Variants in JCHAIN observed in about 807,000 individuals in gnomAD.
The protein encoded by JCHAIN is immunoglobulin J chain.
JCHAIN carries 5 observed loss-of-function variants against 11.1 expected under a neutral mutation model. The observed-to-expected ratio is 0.45, with a 90% CI of 0.24 to 0.95. The LOEUF (loss-of-function observed/expected upper bound fraction) is 0.95. JCHAIN is among the 40% of genes least tolerant of loss of function. JCHAIN has a pLI of 0.21. For synonymous variants in JCHAIN, 51 were observed against 67.8 expected, an observed-to-expected ratio of 0.75 and a Z score of 1.22; for missense variants, 165 against 192.7, an observed-to-expected ratio of 0.86 and a Z score of 0.85.
intron 1 of JCHAIN, chr4:70,665,962 T>G (rs1476530907): frequency 4.2e-6 from 1 of 238,864 alleles, no homozygotes; most frequent in Non-Finnish European, 8.8e-6. Flanking sequence ...TGTATAACAT[T>G]AAACATTGTT....
chr4:70,664,352 A>G (rs904025936), intron 1 of JCHAIN, among the ~76,000 whole-genome samples: 1 of 152,178 alleles, frequency 6.6e-6, no homozygotes, highest in Non-Finnish European at 1.5e-5. Context: ...AACATTTAGT[A>G]TACGAATTCA....
In JCHAIN at chr4:70,666,420, C is replaced by CACAT; in HGVS notation, c.64+3_64+6dup. ...TGATCTGGGATCATTTTCTAAATAT[C>CACAT]ACATACCTTTCACATGAACAGCCTT... On this transcript the variant is annotated splice_region_variant and intron_variant, in intron 1 of 3. Coordinates refer to ENST00000254801, the MANE Select transcript of JCHAIN (RefSeq NM_144646.4). 6.3e-7 allele frequency: 1 copy of CACAT among 1,592,942 alleles called. No individual in the cohort carries two copies. Among genetic ancestry groups the CACAT allele is most frequent in the Non-Finnish European group, 8.6e-7 (1 of 1,160,950 alleles).
Position 70,662,145 on chromosome 4 carries a change from G to A in JCHAIN, c.135C>T (p.Ile45=). ...CKCARITSRI[I]RSSEDPNEDI... ...CCTCATTAGGATCTTCGGAAGAACG[G>A]ATGATCCTGGAAGTAATCCGGGCAC... Residue 45 remains isoleucine (I), a synonymous_variant, in exon 2 of 4, where the codon ATC becomes ATT. Coordinates refer to ENST00000254801, the MANE Select transcript of JCHAIN (RefSeq NM_144646.4). The A allele has an allele frequency of 6.2e-7, 1 of 1,613,254 alleles. No homozygotes were observed.
At chr4:70,657,095 A>G (rs1245240307) in intron 3 of JCHAIN, 116 bp downstream of exon 3, 1 of 527,720 alleles carries the variant, frequency 1.9e-6, no homozygotes, top group Non-Finnish European at 3.4e-6. Context: ...AGTTCAGATT[A>G]TGTTTGTAAA....
chr4:70,656,513 A>G lies in JCHAIN; in HGVS notation c.296T>C (p.Val99Ala), dbSNP rs1464133407. 1.2e-6 allele frequency: 2 copies of G among 1,613,242 alleles called. No individual in the cohort carries two copies. Among genetic ancestry groups the G allele is most frequent in the Admixed American group, 3.3e-5 (2 of 60,014 alleles). ...AGTAACTATCTGATTATCCAGCTCCACTTCTGTAGGATCACATTTTTTACA... is the reference window on the plus strand; with the variant it reads ...AGTAACTATCTGATTATCCAGCTCCGCTTCTGTAGGATCACATTTTTTACA... ...DLCKKCDPTE[V>A]ELDNQIVTAT... Residue 99 changes from valine to alanine, a missense_variant, in exon 4 of 4, where the codon GTG becomes GCG. Physicochemically the swap from Val to Ala is moderately conservative, Grantham distance 64. Coordinates refer to ENST00000254801, the MANE Select transcript of JCHAIN (RefSeq NM_144646.4).
chr4:70,660,743 G>C (rs573089031), intron 2 of JCHAIN, among the ~76,000 whole-genome samples: 1 of 152,242 alleles, frequency 6.6e-6, no homozygotes, highest in South Asian at 2.1e-4. Context: ...ATGATCTTGA[G>C]AGTTATGCTA....
intron 1 of JCHAIN, among the ~76,000 whole-genome samples, 190 bp downstream of exon 1, chr4:70,666,232 GTAAGA>G (rs1358361828): frequency 6.6e-6 from 1 of 152,224 alleles, no homozygotes; most frequent in East Asian, 1.9e-4. Flanking sequence ...AAACAAGTAA[GTAAGA>G]TAAGAGAAAA....
rs140684828 is a variant in JCHAIN at position 70,656,785 on chromosome 4, T to C, written c.270-246A>G. Among the ~76,000 whole-genome samples, 709 of 152,326 alleles carry C rather than the reference T, an allele frequency of 4.7e-3. 8 individuals are homozygous for C. The highest frequency in any genetic ancestry group is 0.016 in the African/African-American group (678 of 41,574). ...TAATATGATTGTTTTATCTACACCA[T>C]ACAGCAATTTCTACTGTGTTAGGCT... On this transcript the variant is annotated intron_variant, in intron 3 of 3. Coordinates refer to ENST00000254801, the MANE Select transcript of JCHAIN (RefSeq NM_144646.4).
At chr4:70,666,319 G>T (rs998456031) in intron 1 of JCHAIN, 108 bp downstream of exon 1, 4 of 679,958 alleles carry the variant, frequency 5.9e-6, no homozygotes, top group Non-Finnish European at 1.0e-5. Context: ...GGAAAAAGTA[G>T]CTGGCTAACT....
intron 1 of JCHAIN, chr4:70,665,850 A>G: frequency 3.2e-6 from 1 of 316,796 alleles, no homozygotes; most frequent in Non-Finnish European, 6.5e-6. Context: ...AAAATTATTT[A>G]ATACTGTACC....
At chr4:70,664,766 T>C (rs1292650721) in intron 1 of JCHAIN, among the ~76,000 whole-genome samples, 1 of 152,222 alleles carries the variant, frequency 6.6e-6, no homozygotes, top group Non-Finnish European at 1.5e-5. Flanking sequence ...ACCAAAAATA[T>C]AGATTGTTGA....
chr4:70,656,312 G>A lies in JCHAIN; in HGVS notation c.*17C>T. The A allele has an allele frequency of 6.4e-7, 1 of 1,572,590 alleles. No individual in the cohort carries two copies. Among genetic ancestry groups the A allele is most frequent in the South Asian group, 1.1e-5 (1 of 90,108 alleles). The stretch of plus-strand genomic sequence containing the variant: ...GCCTCTCAAGAAAAAGAGCTATGCA[G>A]TCAGCAATGACTTAAATTAGTCAGG... On this transcript the variant is annotated 3_prime_UTR_variant, in exon 4 of 4. Coordinates refer to ENST00000254801, the MANE Select transcript of JCHAIN (RefSeq NM_144646.4).
rs372414288 is a variant in JCHAIN, at chr4:70,662,099, G to T, written c.181C>A (p.Arg61=). 2.0e-5 allele frequency: 32 copies of T among 1,613,500 alleles called. No individual in the cohort carries two copies. In the Admixed American group the frequency reaches 5.3e-4, roughly 27 times the overall value. The part of the protein sequence containing the change: ...PNEDIVERNI[R]IIVPLNNREN... ...ATATGGAATGCCACATACATAATTC[G>T]GATGTTTCTCTCCACAATGTCCTCA... The change falls in exon 2 of 4, where the codon CGA becomes AGA. Residue 61 remains arginine (R), a synonymous_variant. Transcript: ENST00000254801.
intron 2 of JCHAIN, among the ~76,000 whole-genome samples, chr4:70,661,569 C>T (rs767494930): frequency 2.0e-5 from 3 of 152,108 alleles, no homozygotes; most frequent in African/African-American, 4.8e-5. Flanking sequence ...GCAGGAGGAT[C>T]GCTTGAGCTC....
chr4:70,664,509 T>G (rs1438699400), intron 1 of JCHAIN, among the ~76,000 whole-genome samples: 1 of 152,184 alleles, frequency 6.6e-6, no homozygotes, highest in African/African-American at 2.4e-5. Flanking sequence ...CCATTGTTAT[T>G]GTACTTGTAA....
At chr4:70,658,246 G>A (rs1039636959) in intron 2 of JCHAIN, among the ~76,000 whole-genome samples, 3 of 152,118 alleles carry the variant, frequency 2.0e-5, no homozygotes, top group African/African-American at 7.2e-5. Context: ...CTCCTAGATT[G>A]TAACAATGTC....
intron 2 of JCHAIN, among the ~76,000 whole-genome samples, chr4:70,659,285 C>T (rs992692395): frequency 1.3e-5 from 2 of 151,990 alleles, no homozygotes; most frequent in Non-Finnish European, 2.9e-5. Context: ...CATGGTGGCT[C>T]ACGCCTGTAA....
At chr4:70,664,432 G>A (rs1739115019) in intron 1 of JCHAIN, among the ~76,000 whole-genome samples, 1 of 151,996 alleles carries the variant, frequency 6.6e-6, no homozygotes, top group South Asian at 2.1e-4. Flanking sequence ...ACGATTCCCA[G>A]AGCAAAGAGG....
rs1738944853 is a variant in JCHAIN at position 70,656,070 on chromosome 4, G to T, written c.*259C>A. On this transcript the variant is annotated 3_prime_UTR_variant, in exon 4 of 4. Coordinates refer to ENST00000254801, the MANE Select transcript of JCHAIN (RefSeq NM_144646.4). ...TGCTAGAAACTGTATTCCTAAGAGA[G>T]CATACCTCTTTCAGGTGAGCATGAT... 2 of 398,984 alleles carry T rather than the reference G, an allele frequency of 5.0e-6. No individual in the cohort carries two copies. The highest frequency in any genetic ancestry group is 4.2e-5 in the Admixed American group (1 of 24,034). 24.7% of individuals were successfully genotyped at this position (398,984 alleles called of 1,614,324 possible). A position where few individuals can be genotyped will look rare whatever the true frequency, so the allele number is the denominator to read the frequency against.
Sources: gnomAD v4.1 joint callset for allele counts (sites outside exome capture counted in the v4.1 genomes callset) on GRCh38, gnomAD v4.1.1 for gene constraint, MANE v1.5 for transcripts, NCBI Gene and HGNC (gene_info 2026-07-23, HGNC 2026-07-21) for gene names.